DENND4C: variants seen among roughly 807,000 people sequenced by gnomAD.
DENND4C encodes DENN domain containing 4C.
DENND4C carries 108 observed loss-of-function variants against 203.0 expected under a neutral mutation model. That is an observed-to-expected ratio of 0.53 (90% CI 0.46 to 0.62). The LOEUF (loss-of-function observed/expected upper bound fraction) is 0.62, where lower values mean the gene tolerates loss of function less well. Ranked by LOEUF, DENND4C falls within the 20% of genes least tolerant of loss-of-function variation. The pLI, the probability that DENND4C is intolerant of heterozygous loss-of-function variation, is 0.00. For missense variants in DENND4C, 2,481 were observed against 2,301.2 expected, an observed-to-expected ratio of 1.08 and a Z score of -1.60; for synonymous variants, 871 against 792.4, an observed-to-expected ratio of 1.10 and a Z score of -1.67.
At chr9:19,366,292 T>G (rs751340362) in intron 30 of DENND4C, among the ~76,000 whole-genome samples, 1 of 152,158 alleles carries the variant, frequency 6.6e-6, no homozygotes, top group Middle Eastern at 3.2e-3. Context: ...TGCCTTTCAG[T>G]GTGAAGACCA....
chr9:19,361,866 C>T lies in DENND4C; in HGVS notation c.5427C>T (p.Ser1809=). The change falls in exon 30 of 33, where the codon TCC becomes TCT. Residue 1809 remains serine (S), a synonymous_variant. Coordinates refer to ENST00000434457, the MANE Select transcript of DENND4C (RefSeq NM_001330640.2). ...EGVQLPLSSL[S]QDSKLVYIQL... is the part of the protein sequence containing the mutation. Reference sequence around the variant, plus strand: ...TTTAGCTTCCTCTGTCATCTCTGTCCCAGGATAGCAAACTTGTGTATATTC... The same window carrying T: ...TTTAGCTTCCTCTGTCATCTCTGTCTCAGGATAGCAAACTTGTGTATATTC... 1 of 1,607,978 alleles carries T rather than the reference C, an allele frequency of 6.2e-7. No homozygotes were observed. Among genetic ancestry groups the T allele is most frequent in the African/African-American group, 1.3e-5 (1 of 74,774 alleles).
Position 19,248,514 on chromosome 9 carries a change from T to G in DENND4C, c.-18+17681T>G, listed in dbSNP as rs191590536. On this transcript the variant is annotated intron_variant, in intron 1 of 32. Transcript: ENST00000434457. ...AAGCGATTCTCCTGCCTCAGCCACC[T>G]GAGTAGCTGGGATTACAGGCATGCG... Among the ~76,000 whole-genome samples, 11 of 151,862 alleles carry G rather than the reference T, an allele frequency of 7.2e-5. No homozygotes were observed. In the East Asian group the frequency reaches 1.4e-3, roughly 19 times the overall value.
intron 23 of DENND4C, 89 bp downstream of exon 23, chr9:19,347,175 C>G: frequency 7.6e-7 from 1 of 1,315,736 alleles, no homozygotes; most frequent in Non-Finnish European, 1.0e-6. Context: ...TCAGAGATTT[C>G]TGTGCCCAGG....
At chr9:19,281,317 T>C (rs1472009906) in intron 2 of DENND4C, among the ~76,000 whole-genome samples, 1 of 152,200 alleles carries the variant, frequency 6.6e-6, no homozygotes, top group East Asian at 1.9e-4. Flanking sequence ...TCATGATGGT[T>C]AATATTTCTC....
chr9:19,241,563 C>T (rs1823731505), intron 1 of DENND4C, among the ~76,000 whole-genome samples: 1 of 150,214 alleles, frequency 6.7e-6, no homozygotes, highest in Admixed American at 6.7e-5. Flanking sequence ...AAAACATAAG[C>T]GCACACATTA....
chr9:19,241,514 C>CTTTTT (rs71496809), intron 1 of DENND4C, among the ~76,000 whole-genome samples: 1 of 143,318 alleles, frequency 7.0e-6, no homozygotes, highest in Non-Finnish European at 1.5e-5. Flanking sequence ...TTTCGTTTTT[C>CTTTTT]TTTTTTTTTT....
At chr9:19,255,100 T>G (rs1039455601) in intron 1 of DENND4C, among the ~76,000 whole-genome samples, 5 of 151,986 alleles carry the variant, frequency 3.3e-5, no homozygotes, top group Admixed American at 6.6e-5. Flanking sequence ...GAGCCAAGAT[T>G]GTGCCGTTGC....
At chr9:19,248,322 T>A (rs879369380) in intron 1 of DENND4C, among the ~76,000 whole-genome samples, 4 of 152,172 alleles carry the variant, frequency 2.6e-5, no homozygotes, top group Non-Finnish European at 4.4e-5. Context: ...GCCTGGAATG[T>A]TCTTCCTTTA....
intron 12 of DENND4C, among the ~76,000 whole-genome samples, chr9:19,317,420 A>C (rs1157700215): frequency 6.6e-6 from 1 of 151,750 alleles, no homozygotes; most frequent in African/African-American, 2.4e-5. Flanking sequence ...AAAAACGTAT[A>C]CTCGTTATTT....
At chr9:19,253,647 C>G (rs1469085906) in intron 1 of DENND4C, among the ~76,000 whole-genome samples, 2 of 152,196 alleles carry the variant, frequency 1.3e-5, no homozygotes. Flanking sequence ...TACCAGGGAA[C>G]ATACAGCTGT....
chr9:19,313,593 A>T (rs1045423952), intron 10 of DENND4C, among the ~76,000 whole-genome samples: 2 of 152,236 alleles, frequency 1.3e-5, no homozygotes, highest in Non-Finnish European at 2.9e-5. Flanking sequence ...TAAACTTGAC[A>T]TGCCATCACT....
At chr9:19,274,826 T>C (rs1348627370) in intron 1 of DENND4C, among the ~76,000 whole-genome samples, 3 of 152,216 alleles carry the variant, frequency 2.0e-5, no homozygotes, top group Non-Finnish European at 1.5e-5. Context: ...ATCTTGGATC[T>C]TGACTGATGA....
intron 2 of DENND4C, among the ~76,000 whole-genome samples, chr9:19,283,606 CTTTCTTTTTTT>C (rs1834565850): frequency 9.7e-6 from 1 of 103,414 alleles, no homozygotes; most frequent in Non-Finnish European, 2.1e-5. Flanking sequence ...TTTCTTTTTT[CTTTCTTTTTTT>C]TTTTTTTTTT....
rs1825915247 is a variant in DENND4C, at chr9:19,358,895, T to C, written c.5160+735T>C. Reference sequence around the variant, plus strand: ...TTGCTTGTTTATTTTTGTAAGACGATTTCATCAGTGGTGGTATGTTCCTCC... The same window carrying C: ...TTGCTTGTTTATTTTTGTAAGACGACTTCATCAGTGGTGGTATGTTCCTCC... On this transcript the variant is annotated intron_variant, in intron 28 of 32. Transcript: ENST00000434457. This position sits in a 1 kb window ranked among gnomAD's most constrained non-coding sequence, Gnocchi z 4.8. Among the ~76,000 whole-genome samples the C allele has an allele frequency of 6.6e-6, 1 of 151,768 alleles. No homozygotes were observed. Among genetic ancestry groups the C allele is most frequent in the South Asian group, 2.1e-4 (1 of 4,830 alleles).
In DENND4C at chr9:19,296,061, A is replaced by G. The variant is rs1427799052; in HGVS notation, c.855A>G (p.Ser285=). ...FYEPYSRELL[S]EKQLMHLGLL... is the part of the protein sequence containing the mutation. ...AACCTTACTCTCGGGAACTTCTATC[A>G]GAGAAACAGCTTATGCACCTGGGCT... The change falls in exon 6 of 33, where the codon TCA becomes TCG. Residue 285 remains serine, a synonymous_variant. Coordinates refer to ENST00000434457, the MANE Select transcript of DENND4C (RefSeq NM_001330640.2). 16 of 1,614,056 alleles carry G rather than the reference A, an allele frequency of 9.9e-6. No individual in the cohort carries two copies. The highest frequency in any genetic ancestry group is 1.3e-5 in the Non-Finnish European group (15 of 1,180,028).
At chr9:19,265,615 C>G (rs1425755709) in intron 1 of DENND4C, among the ~76,000 whole-genome samples, 1 of 152,066 alleles carries the variant, frequency 6.6e-6, no homozygotes, top group Non-Finnish European at 1.5e-5. Context: ...CCCCCTACCC[C>G]ACGACAGGCC....
chr9:19,278,539 T>C (rs961857217), intron 2 of DENND4C, among the ~76,000 whole-genome samples: 1 of 152,182 alleles, frequency 6.6e-6, no homozygotes, highest in African/African-American at 2.4e-5. Flanking sequence ...GAAATTGTTA[T>C]AAAGATCCTC....
chr9:19,347,392 A>T (rs892515905), intron 23 of DENND4C, among the ~76,000 whole-genome samples: 5 of 152,178 alleles, frequency 3.3e-5, no homozygotes, highest in Non-Finnish European at 7.4e-5. Context: ...CAGCCTCCCA[A>T]AGTGCTGGGA....
intron 13 of DENND4C, 101 bp downstream of exon 13, chr9:19,324,608 A>G (rs1843419653): frequency 4.8e-6 from 6 of 1,260,078 alleles, no homozygotes; most frequent in Non-Finnish European, 6.7e-6. Context: ...AGGAAAACAG[A>G]GTAGGGTTGT....
Sources: allele counts gnomAD v4.1 joint callset (sites outside exome capture counted in the v4.1 genomes callset), GRCh38; gene constraint gnomAD v4.1.1; non-coding constraint Gnocchi (gnomAD v3.1); transcripts MANE v1.5; gene names NCBI Gene and HGNC (gene_info 2026-07-23, HGNC 2026-07-21).